ADD3: variants seen among roughly 807,000 people sequenced by gnomAD.
The protein encoded by ADD3 is gamma-adducin.
In ADD3, 25 loss-of-function variants were observed where a neutral mutation model predicts 80.2. The ratio of observed to expected loss-of-function variants is 0.31; its 90% CI spans 0.23 to 0.44. The LOEUF (loss-of-function observed/expected upper bound fraction) is 0.44, where lower values mean the gene tolerates loss of function less well. Among genes scored for constraint, ADD3 ranks in the 20% least tolerant of loss-of-function variants. The pLI, the probability that ADD3 is intolerant of heterozygous loss-of-function variation, is 1.00. For synonymous variants in ADD3, 284 were observed against 289.6 expected (o/e 0.98, Z 0.20); for missense variants, 829 against 847.5 (o/e 0.98, Z 0.27).
rs1329030194 is a variant in ADD3, at chr10:110,112,791, C to G, written c.210C>G (p.Asp70Glu). Residue 70 changes from aspartate to glutamate, a missense_variant, in exon 3 of 15, where the codon GAC (aspartate) becomes GAG (glutamate). Transcript: ENST00000356080. Reference protein sequence around the residue: ...QILQSPAFREDLECLIQEQMK... With the variant: ...QILQSPAFREELECLIQEQMK... ...GTGTATTACAGGCCTTTCGGGAAGACTTGGAATGCCTTATTCAAGAACAGA... is the reference window on the plus strand; with the variant it reads ...GTGTATTACAGGCCTTTCGGGAAGAGTTGGAATGCCTTATTCAAGAACAGA... 6.2e-7 allele frequency: 1 copy of G among 1,613,500 alleles called. No individual in the cohort carries two copies. The highest frequency in any genetic ancestry group is 8.5e-7 in the Non-Finnish European group (1 of 1,179,812).
At chr10:110,116,541 AAT>A in intron 4 of ADD3, 131 bp downstream of exon 4, 1 of 885,502 alleles carries the variant, frequency 1.1e-6, no homozygotes, top group South Asian at 1.8e-5. Context: ...ATCACAACCA[AAT>A]ACTGATTTAA....
At chr10:110,011,698 T>G (rs1406083552) in intron 1 of ADD3, among the ~76,000 whole-genome samples, 1 of 152,234 alleles carries the variant, frequency 6.6e-6, no homozygotes, top group Non-Finnish European at 1.5e-5. Context: ...TAGACCTATT[T>G]GAAGTTATTT....
intron 13 of ADD3, among the ~76,000 whole-genome samples, chr10:110,130,737 T>C (rs949055605): frequency 2.0e-5 from 3 of 151,984 alleles, no homozygotes; most frequent in Admixed American, 6.6e-5. Context: ...ACGCCTGTAG[T>C]CCTAGCTACT....
intron 2 of ADD3, among the ~76,000 whole-genome samples, chr10:110,108,497 A>G (rs1239884239): frequency 6.6e-6 from 1 of 152,182 alleles, no homozygotes; most frequent in Admixed American, 6.5e-5. Flanking sequence ...GTGAGACTCA[A>G]ATATATCAAC....
intron 1 of ADD3, among the ~76,000 whole-genome samples, chr10:110,040,964 GTCTCTCTCTC>G (rs66979569): frequency 2.7e-5 from 4 of 149,502 alleles, no homozygotes; most frequent in East Asian, 3.9e-4. Flanking sequence ...GTCTCTCTCT[GTCTCTCTCTC>G]TCTCTCTCTC....
At chr10:110,051,964 A>G (rs903513011) in intron 1 of ADD3, among the ~76,000 whole-genome samples, 2 of 152,092 alleles carry the variant, frequency 1.3e-5, no homozygotes, top group African/African-American at 4.8e-5. Flanking sequence ...ATCATGGCTA[A>G]GTTTAAATTT....
intron 1 of ADD3, among the ~76,000 whole-genome samples, chr10:110,013,764 G>T (rs1383785505): frequency 6.6e-6 from 1 of 152,122 alleles, no homozygotes; most frequent in Non-Finnish European, 1.5e-5. Flanking sequence ...TTTTCAGATG[G>T]AATGAAAGAG....
Position 110,112,874 on chromosome 10 carries a change from T to A in ADD3, c.293T>A (p.Ile98Asn). ...LLALQQIADYIMANSFSGFSS... is the reference protein window; with the variant it reads ...LLALQQIADYNMANSFSGFSS... ...GCATTACAGCAGATTGCAGATTACATCATGGCCAATTCTTTCTCGGGTTTT... is the reference window on the plus strand; with the variant it reads ...GCATTACAGCAGATTGCAGATTACAACATGGCCAATTCTTTCTCGGGTTTT... Residue 98 changes from isoleucine to asparagine, a missense_variant, in exon 3 of 15, where the codon ATC becomes AAC. By Grantham distance (149) the Ile-to-Asn change is moderately radical. Transcript: ENST00000356080. 1 of 1,614,050 alleles carries A rather than the reference T, an allele frequency of 6.2e-7. No homozygotes were observed. Among genetic ancestry groups the A allele is most frequent in the Non-Finnish European group, 8.5e-7 (1 of 1,179,982 alleles).
At chr10:110,061,857 G>C (rs1018913090) in intron 1 of ADD3, among the ~76,000 whole-genome samples, 1 of 152,136 alleles carries the variant, frequency 6.6e-6, no homozygotes, top group South Asian at 2.1e-4. Context: ...CAAAATCATT[G>C]TGGGAGTTAA....
intron 1 of ADD3, among the ~76,000 whole-genome samples, chr10:110,068,764 T>G (rs1008455195): frequency 2.6e-5 from 4 of 152,192 alleles, no homozygotes; most frequent in Admixed American, 2.6e-4. Flanking sequence ...TTGCTTTATA[T>G]AAAGTATATG....
Position 110,133,548 on chromosome 10 carries a change from A to G in ADD3, c.2051A>G (p.Lys684Arg), listed in dbSNP as rs747138844. The G allele has an allele frequency of 1.9e-6, 3 of 1,611,848 alleles. No homozygotes were observed. Among genetic ancestry groups the G allele is most frequent in the Non-Finnish European group, 2.5e-6 (3 of 1,179,266 alleles). The part of the protein sequence containing the change: ...PEGSPSKSPS[K>R]KKKKFRTPSF... ...GGCTCCCCTTCAAAATCGCCATCCA[A>G]GAAAAAGAAGAAATTCCGCACTCCT... The change falls in exon 15 of 15, where the codon AAG becomes AGG. Residue 684 changes from lysine (K) to arginine (R), a missense_variant. Lys to Arg is a conservative substitution (Grantham distance 26, BLOSUM62 2). Transcript: ENST00000356080.
At chr10:110,109,834 A>G (rs1035235844) in intron 2 of ADD3, among the ~76,000 whole-genome samples, 8 of 152,152 alleles carry the variant, frequency 5.3e-5, no homozygotes, top group African/African-American at 7.2e-5. Context: ...GTGTCCATCT[A>G]TCTTGTATAC....
intron 7 of ADD3, 30 bp from the exon 8 acceptor site, chr10:110,119,431 TATTTC>T (rs1851183094): frequency 6.2e-7 from 1 of 1,613,478 alleles, no homozygotes; most frequent in Non-Finnish European, 8.5e-7. Context: ...CTATGCCAGT[TATTTC>T]AAGTGATTGC....
intron 1 of ADD3, among the ~76,000 whole-genome samples, chr10:110,035,018 A>G (rs111275493): frequency 2.9e-4 from 44 of 152,376 alleles, no homozygotes; most frequent in Middle Eastern, 3.4e-3. Context: ...CCAAATCATG[A>G]GACAATTTTT....
intron 1 of ADD3, among the ~76,000 whole-genome samples, chr10:110,073,438 G>C (rs765599521): frequency 6.6e-6 from 1 of 152,046 alleles, no homozygotes; most frequent in African/African-American, 2.4e-5. Context: ...CACCGTGCCC[G>C]GCCCTAGTTT....
At chr10:110,015,377 A>ATT (rs1236262588) in intron 1 of ADD3, among the ~76,000 whole-genome samples, 13 of 139,786 alleles carry the variant, frequency 9.3e-5, no homozygotes, top group African/African-American at 1.1e-4. Context: ...AGAATGTTTG[A>ATT]TTTTTTTTTT....
chr10:110,005,962 A>C, upstream of ADD3: 2 of 217,054 alleles, frequency 9.2e-6, no homozygotes, highest in Middle Eastern at 1.3e-3. Context: ...CTTACTACTC[A>C]GCATTGAGAG....
At chr10:110,126,979 A>C (rs1852253232) in intron 12 of ADD3, among the ~76,000 whole-genome samples, 1 of 152,342 alleles carries the variant, frequency 6.6e-6, no homozygotes, top group South Asian at 2.1e-4. Context: ...AAAGAGAAAA[A>C]ACACTGCCAA....
intron 1 of ADD3, among the ~76,000 whole-genome samples, chr10:110,028,544 G>A (rs906571554): frequency 2.0e-5 from 3 of 152,224 alleles, no homozygotes; most frequent in East Asian, 1.9e-4. Flanking sequence ...CAGCCTGGGC[G>A]ACAGAGTGAG....
Sources: allele counts gnomAD v4.1 joint callset (sites outside exome capture counted in the v4.1 genomes callset), GRCh38; gene constraint gnomAD v4.1.1; transcripts MANE v1.5; gene names NCBI Gene and HGNC (gene_info 2026-07-23, HGNC 2026-07-21).